PXDN: variants seen among roughly 807,000 people sequenced by gnomAD.
PXDN encodes the protein peroxidasin, also known as peroxidasin homolog.
Under a neutral mutation model 140.3 loss-of-function variants are expected in PXDN, and 77 were observed. The observed-to-expected ratio is 0.55, with a 90% CI of 0.46 to 0.66. PXDN has a LOEUF of 0.66. PXDN is among the 30% of genes least tolerant of loss of function. The pLI is 0.00. For missense variants in PXDN, 1,838 were observed against 2,039.5 expected (o/e 0.90, Z 1.90); for synonymous variants, 911 against 857.4 (o/e 1.06, Z -1.09).
chr2:1,664,959 T>A lies in PXDN; in HGVS notation c.1407A>T (p.Gly469=). 6.2e-7 allele frequency: 1 copy of A among 1,602,368 alleles called. No individual in the cohort carries two copies. The highest frequency in any genetic ancestry group is 2.2e-5 in the East Asian group (1 of 44,702). The stretch of plus-strand genomic sequence containing the variant: ...GCAAAGGGCCGGCCTGGGTCTTACC[T>A]CCCTTGGTCCAGGCGATGACGGGCG... ...NPPPVIAWTK[G]GSQLSVDRRH... is the part of the protein sequence containing the mutation. Residue 469 remains glycine, a splice_region_variant and synonymous_variant, in exon 11 of 23, where the codon GGA becomes GGT. Transcript: ENST00000252804.
rs537096832 is a variant in PXDN, at chr2:1,657,515, G to A, written c.1838-3007C>T. ...AAGCCTGCCACCTCCTGACTAGGAC[G>A]TCCCCCTCCTGACTGGGACCTGCCC... On this transcript the variant is annotated intron_variant, in intron 14 of 22. Transcript: ENST00000252804. Among the ~76,000 whole-genome samples, 48 of 144,980 alleles carry A rather than the reference G, an allele frequency of 3.3e-4. 1 individual carries two copies. The highest frequency in any genetic ancestry group is 1.1e-3 in the African/African-American group (44 of 39,010).
intron 21 of PXDN, chr2:1,637,118 G>T (rs546665238): frequency 6.6e-6 from 1 of 152,430 alleles, no homozygotes; most frequent in African/African-American, 2.4e-5. Flanking sequence ...CGACACAGGT[G>T]GGGTGGCTGG....
chr2:1,732,095 C>A (rs1263675002), intron 1 of PXDN, among the ~76,000 whole-genome samples: 1 of 152,134 alleles, frequency 6.6e-6, no homozygotes, highest in Non-Finnish European at 1.5e-5. Context: ...ACCAAAAAAA[C>A]TGACAAAATA....
At chr2:1,716,222 G>A (rs1397411935) in intron 1 of PXDN, among the ~76,000 whole-genome samples, 1 of 152,106 alleles carries the variant, frequency 6.6e-6, no homozygotes, top group Non-Finnish European at 1.5e-5. Context: ...TGGATCACCT[G>A]AGGTCAGGAG....
Position 1,744,425 on chromosome 2 carries a change from G to A in PXDN, c.31C>T (p.Arg11Cys), listed in dbSNP as rs995348999. 8.6e-6 allele frequency: 13 copies of A among 1,506,622 alleles called. No homozygotes were observed. The African/African-American group carries it at 1.7e-4, about 20-fold the overall frequency. 93.3% of individuals were successfully genotyped at this position (1,506,622 alleles called of 1,614,324 possible). ...AACAGCACGAGCGCCAACAGGCAGC[G>A]GCGCCCGGGGCCCCTGGAGCGCTTG... The part of the protein sequence containing the change: MAKRSRGPGR[R>C]CLLALVLFCA... Residue 11 changes from arginine (R) to cysteine (C), a missense_variant, in exon 1 of 23, where the codon CGC becomes TGC. Arg to Cys is a radical substitution (Grantham distance 180). Around this residue, in one of 5 missense-constraint regions of PXDN, gnomAD observed 231 missense variants for 201.5 expected, o/e 1.15. Transcript: ENST00000252804.
chr2:1,648,159 C>T lies in PXDN; in HGVS notation c.3608+13G>A, dbSNP rs1448488778. The T allele has an allele frequency of 6.2e-7, 1 of 1,607,396 alleles. No homozygotes were observed. Among genetic ancestry groups the T allele is most frequent in the African/African-American group, 1.3e-5 (1 of 74,926 alleles). ...AGGTACACGAGCCATCCCACACAGC[C>T]TCTTCAGCTCACCTTTTCAGTTTCT... is the stretch of plus-strand genomic sequence containing the variant. On this transcript the variant is annotated intron_variant, in intron 17 of 22. Transcript: ENST00000252804. This position sits in a 1 kb window ranked among gnomAD's most constrained non-coding sequence, Gnocchi z 8.9.
intron 1 of PXDN, among the ~76,000 whole-genome samples, chr2:1,710,981 G>T (rs1196640537): frequency 1.7e-3 from 34 of 20,300 alleles, no homozygotes; most frequent in African/African-American, 1.8e-3. Flanking sequence ...ACCAGCACCC[G>T]CTCCACCAGC....
At chr2:1,721,959 T>C (rs1292115430) in intron 1 of PXDN, among the ~76,000 whole-genome samples, 1 of 151,172 alleles carries the variant, frequency 6.6e-6, no homozygotes, top group Non-Finnish European at 1.5e-5. Context: ...CCTAGGGGAA[T>C]TCCCACATAC....
intron 1 of PXDN, among the ~76,000 whole-genome samples, chr2:1,695,978 G>T (rs1416739354): frequency 9.3e-6 from 1 of 107,330 alleles, no homozygotes; most frequent in Non-Finnish European, 2.0e-5. Flanking sequence ...GTGGCCTAGA[G>T]TGATGGACAG....
At chr2:1,668,832 C>T (rs536630826) in intron 9 of PXDN, among the ~76,000 whole-genome samples, 1 of 152,302 alleles carries the variant, frequency 6.6e-6, no homozygotes, top group South Asian at 2.1e-4. Flanking sequence ...GAAATAGGAA[C>T]ATTTTTACGC....
intron 1 of PXDN, among the ~76,000 whole-genome samples, chr2:1,707,980 T>A (rs1684659280): frequency 6.6e-6 from 1 of 152,124 alleles, no homozygotes; most frequent in Non-Finnish European, 1.5e-5. Flanking sequence ...ACGCAGGCAA[T>A]CCTCAGCGGA....
At chr2:1,655,068 C>A (rs371735933) in intron 14 of PXDN, among the ~76,000 whole-genome samples, 1 of 151,238 alleles carries the variant, frequency 6.6e-6, no homozygotes, top group Non-Finnish European at 1.5e-5. Context: ...TACACACAGG[C>A]GCACACACAC....
In PXDN at chr2:1,688,546, A is replaced by C. The variant is rs1572161345; in HGVS notation, c.345-843T>G. Among the ~76,000 whole-genome samples the C allele has an allele frequency of 2.0e-5, 3 of 152,170 alleles. No homozygotes were observed. The South Asian group carries it at 6.2e-4, about 31-fold the overall frequency. ...CGCATTGTGCCCACCCATCTCGGAC[A>C]TGACTCGCCTTCAGCCAGCTTGCCT... On this transcript the variant is annotated intron_variant, in intron 3 of 22. Transcript: ENST00000252804.
At chr2:1,733,748 CA>C (rs72208257) in intron 1 of PXDN, among the ~76,000 whole-genome samples, 33 of 79,248 alleles carry the variant, frequency 4.2e-4, no homozygotes, top group South Asian at 1.3e-3. Flanking sequence ...TGTCAAATGA[CA>C]AAAAAAAAAA....
At chr2:1,716,897 G>A (rs1435994874) in intron 1 of PXDN, among the ~76,000 whole-genome samples, 1 of 152,130 alleles carries the variant, frequency 6.6e-6, no homozygotes, top group East Asian at 1.9e-4. Context: ...GTGGGTCCCT[G>A]TGCCTAAAGT....
chr2:1,714,733 A>G lies in PXDN; in HGVS notation c.201-21599T>C, dbSNP rs1043018160. Among the ~76,000 whole-genome samples the G allele has an allele frequency of 6.6e-6, 1 of 152,188 alleles. No individual in the cohort carries two copies. Among genetic ancestry groups the G allele is most frequent in the Admixed American group, 6.5e-5 (1 of 15,278 alleles). Reference sequence around the variant, plus strand: ...TTTCATAAAATGTCCACAGCATGAAATATTTACTCTTCTTTTGATTTTTTT... The same window carrying G: ...TTTCATAAAATGTCCACAGCATGAAGTATTTACTCTTCTTTTGATTTTTTT... On this transcript the variant is annotated intron_variant, in intron 1 of 22. Coordinates refer to ENST00000252804, the MANE Select transcript of PXDN (RefSeq NM_012293.3). This position sits in a 1 kb window ranked among gnomAD's most constrained non-coding sequence, Gnocchi z 4.3.
At position 1,744,362 on chromosome 2, in the gene PXDN, G is replaced by T; in HGVS notation, c.94C>A (p.Pro32Thr). The T allele has an allele frequency of 1.3e-6, 2 of 1,527,188 alleles. No individual in the cohort carries two copies. Among genetic ancestry groups the T allele is most frequent in the South Asian group, 2.4e-5 (2 of 83,196 alleles). 94.6% of individuals were successfully genotyped at this position (1,527,188 alleles called of 1,614,324 possible). A position where few individuals can be genotyped will look rare whatever the true frequency, so the allele number is the denominator to read the frequency against. ...WGTLAVVAQK[P>T]GAGCPSRCLC... The stretch of plus-strand genomic sequence containing the variant: ...CAGCGGCTCGGACACCCTGCGCCCG[G>T]CTTCTGGGCCACCACGGCCAGCGTC... The change falls in exon 1 of 23, where the codon CCG (proline) becomes ACG (threonine). Residue 32 changes from proline to threonine, a missense_variant. Physicochemically the swap from Pro to Thr is conservative, Grantham distance 38 (BLOSUM62 -1). This residue lies in a region of PXDN where 231 missense variants were observed against 201.5 expected (regional missense o/e 1.15). Transcript: ENST00000252804.
chr2:1,718,700 C>A (rs544325956), intron 1 of PXDN, among the ~76,000 whole-genome samples: 1 of 152,262 alleles, frequency 6.6e-6, no homozygotes, highest in South Asian at 2.1e-4. Context: ...CGGGGTGACG[C>A]GGGCAGGGCG....
chr2:1,744,124 C>T lies in PXDN; in HGVS notation c.200+132G>A. On this transcript the variant is annotated intron_variant, in intron 1 of 22. Coordinates refer to ENST00000252804, the MANE Select transcript of PXDN (RefSeq NM_012293.3). ...CCTTCGGAGGTTCCCTTCTGCGTCC[C>T]AAGTCCCCAGGCCCCCCGCGCGCCC... The T allele has an allele frequency of 2.0e-6, 2 of 1,001,958 alleles. 1 individual carries two copies. The highest frequency in any genetic ancestry group is 5.1e-5 in the South Asian group (2 of 39,292). The allele number at this position is 1,001,958 out of a possible 1,614,324, so 62.1% of individuals were successfully genotyped here.
Sources: gnomAD v4.1 joint callset for allele counts (sites outside exome capture counted in the v4.1 genomes callset) on GRCh38, gnomAD v4.1.1 for gene constraint, gnomAD v4.1.1 regional missense constraint, Gnocchi (gnomAD v3.1) non-coding constraint, MANE v1.5 for transcripts, NCBI Gene and HGNC (gene_info 2026-07-23, HGNC 2026-07-21) for gene names.